CDC25B: variants seen among roughly 807,000 people sequenced by gnomAD.
The protein encoded by CDC25B is cell division cycle 25B.
Under a neutral mutation model 69.8 loss-of-function variants are expected in CDC25B, and 33 were observed. The ratio of observed to expected loss-of-function variants is 0.47; its 90% CI spans 0.36 to 0.63. The LOEUF (loss-of-function observed/expected upper bound fraction) is 0.63. CDC25B is among the 30% of genes least tolerant of loss of function. The pLI is 0.00. For synonymous variants in CDC25B, 341 were observed against 314.6 expected (o/e 1.08, Z -0.89); for missense variants, 727 against 809.1 (o/e 0.90, Z 1.23).
upstream of CDC25B, among the ~76,000 whole-genome samples, chr20:3,794,780 TTC>T (rs1483559962): frequency 6.6e-6 from 1 of 152,092 alleles, no homozygotes; most frequent in Non-Finnish European, 1.5e-5. Context: ...TCCCCTACCC[TTC>T]AGATGCATTG....
At chr20:3,802,866 A>G (rs1478638064) in intron 11 of CDC25B, 44 bp from the exon 12 acceptor site, 4 of 1,505,654 alleles carry the variant, frequency 2.7e-6, no homozygotes, top group Non-Finnish European at 3.7e-6. Flanking sequence ...GGTCTTACCA[A>G]TTTAACTTTC....
intron 14 of CDC25B, among the ~76,000 whole-genome samples, chr20:3,804,295 C>A (rs966832510): frequency 1.3e-5 from 2 of 152,210 alleles, no homozygotes; most frequent in Admixed American, 6.5e-5. Flanking sequence ...CTTCTCCTTT[C>A]CTGGTCCAGG....
chr20:3,797,293 T>C (rs2089091686), intron 1 of CDC25B, among the ~76,000 whole-genome samples: 1 of 152,138 alleles, frequency 6.6e-6, no homozygotes, highest in Non-Finnish European at 1.5e-5. Context: ...GGTCTGACAG[T>C]TTAGGGGAAG....
In CDC25B at chr20:3,800,287, G is replaced by C. The variant is rs1240322200; in HGVS notation, c.381-1G>C. On this transcript the variant is annotated splice_acceptor_variant, in intron 3 of 15. Coordinates refer to ENST00000245960, the MANE Select transcript of CDC25B (RefSeq NM_021873.4). LOFTEE classifies it high-confidence loss of function. ...TTGCATGGGACCCTTCTCTGTCCTA[G>C]GTTTGAACAGGCCATCCAGGCAGCC... 3 of 1,613,928 alleles carry C rather than the reference G, an allele frequency of 1.9e-6. No homozygotes were observed. The highest frequency in any genetic ancestry group is 2.5e-6 in the Non-Finnish European group (3 of 1,179,992).
chr20:3,791,139 A>G (rs1469215038), intron 1 of CDC25B, among the ~76,000 whole-genome samples: 4 of 152,254 alleles, frequency 2.6e-5, no homozygotes, highest in Admixed American at 2.0e-4. Flanking sequence ...TGTATTGCAC[A>G]GTGCAAAGGA....
intron 3 of CDC25B, among the ~76,000 whole-genome samples, chr20:3,799,955 A>T (rs370887169): frequency 2.0e-5 from 3 of 152,116 alleles, no homozygotes; most frequent in South Asian, 4.2e-4. Flanking sequence ...GGTGATTTGC[A>T]TACAGGTGGA....
At position 3,802,113 on chromosome 20, in the gene CDC25B, C is replaced by A; in HGVS notation, c.1098+13C>A. ...GGCTGAGGAACCTGTGAGTGCCTTC[C>A]TCCTGGGGTTCACTTTGGCATGCAC... is the stretch of plus-strand genomic sequence containing the variant. On this transcript the variant is annotated intron_variant, in intron 10 of 15. Transcript: ENST00000245960. 6.5e-7 allele frequency: 1 copy of A among 1,544,954 alleles called. No individual in the cohort carries two copies. The highest frequency in any genetic ancestry group is 2.4e-5 in the East Asian group (1 of 41,198).
upstream of CDC25B, among the ~76,000 whole-genome samples, chr20:3,793,946 G>A (rs1311476928): frequency 6.7e-6 from 1 of 148,894 alleles, no homozygotes; most frequent in Non-Finnish European, 1.5e-5. Flanking sequence ...TTTTATGGCT[G>A]CATAGTATTC....
At chr20:3,800,432 G>C (rs2089235775) in intron 4 of CDC25B, 30 bp from the exon 5 acceptor site, 1 of 1,613,946 alleles carries the variant, frequency 6.2e-7, no homozygotes, top group Non-Finnish European at 8.5e-7. Flanking sequence ...GCCTCTCCCA[G>C]CTCTCACCTG....
At chr20:3,802,213 ACCAG>A in intron 10 of CDC25B, 64 bp from the exon 11 acceptor site, 2 of 1,558,978 alleles carry the variant, frequency 1.3e-6, no homozygotes, top group Non-Finnish European at 1.8e-6. Flanking sequence ...GAAAGGGGGT[ACCAG>A]CCAGCCAGAG....
chr20:3,792,054 C>G (rs1036405734), upstream of CDC25B, among the ~76,000 whole-genome samples: 10 of 152,022 alleles, frequency 6.6e-5, no homozygotes, highest in African/African-American at 2.2e-4. Context: ...GCTGGGATTA[C>G]AGGCACATGC....
chr20:3,805,297 T>G lies in CDC25B; in HGVS notation c.*336T>G. Reference sequence around the variant, plus strand: ...TCTTCCTGTGTCCTGAAACGCTCCTTTGTGTGTGTGTCAGCTGAGGCTGGG... The same window carrying G: ...TCTTCCTGTGTCCTGAAACGCTCCTGTGTGTGTGTGTCAGCTGAGGCTGGG... On this transcript the variant is annotated 3_prime_UTR_variant, in exon 16 of 16. Transcript: ENST00000245960. 1 of 344,458 alleles carries G rather than the reference T, an allele frequency of 2.9e-6. No individual in the cohort carries two copies. The allele number at this position is 344,458 out of a possible 1,614,324, so 21.3% of individuals were successfully genotyped here.
Position 3,802,076 on chromosome 20 carries a change from G to A in CDC25B, c.1074G>A (p.Glu358=). Residue 358 remains glutamate (E), a synonymous_variant, in exon 10 of 16, where the codon GAG becomes GAA. Coordinates refer to ENST00000245960, the MANE Select transcript of CDC25B (RefSeq NM_021873.4). ...GGAGGCGGAGCGTGACCCCTCCTGA[G>A]GAGCAGCAGGAGGCTGAGGAACCTG... ...NKRRRSVTPP[E]EQQEAEEPKA... is the part of the protein sequence containing the mutation. 1.3e-6 allele frequency: 2 copies of A among 1,556,412 alleles called. No individual in the cohort carries two copies. The highest frequency in any genetic ancestry group is 2.4e-5 in the East Asian group (1 of 41,426).
intron 3 of CDC25B, among the ~76,000 whole-genome samples, chr20:3,799,940 G>A (rs562670313): frequency 2.6e-5 from 4 of 152,246 alleles, no homozygotes; most frequent in Admixed American, 2.0e-4. Context: ...ATATGGCCCC[G>A]CTGAGGTGAT....
chr20:3,798,562 A>T (rs1224649151), intron 3 of CDC25B, 99 bp downstream of exon 3: 1 of 958,014 alleles, frequency 1.0e-6, no homozygotes, highest in African/African-American at 1.7e-5. Flanking sequence ...GGGAAAGCAG[A>T]CAGACCATGG....
upstream of CDC25B, chr20:3,795,667 C>T (rs1047217933): frequency 1.2e-5 from 12 of 969,544 alleles, no homozygotes; most frequent in Non-Finnish European, 1.5e-5. Context: ...GCGAAAGAGC[C>T]CATCAGTTCC....
intron 3 of CDC25B, 86 bp downstream of exon 3, chr20:3,798,549 C>G: frequency 1.8e-6 from 2 of 1,119,052 alleles, no homozygotes; most frequent in South Asian, 3.0e-5. Flanking sequence ...ACCCGGGAGG[C>G]CTGGGAAAGC....
Position 3,803,548 on chromosome 20 carries a change from G to T in CDC25B, c.1490+11G>T. ...GCGTGGGCCCCGCATGTGAGTCCCA[G>T]CTCCGCCCAGCCAGCTAGTGTCTGC... On this transcript the variant is annotated intron_variant, in intron 14 of 15. Coordinates refer to ENST00000245960, the MANE Select transcript of CDC25B (RefSeq NM_021873.4). This position sits in a 1 kb window ranked among gnomAD's most constrained non-coding sequence, Gnocchi z 4.9. 2 of 1,613,784 alleles carry T rather than the reference G, an allele frequency of 1.2e-6. No individual in the cohort carries two copies. The highest frequency in any genetic ancestry group is 1.7e-5 in the Admixed American group (1 of 60,012).
chr20:3,799,606 G>T (rs1194293203), intron 3 of CDC25B, among the ~76,000 whole-genome samples: 1 of 152,168 alleles, frequency 6.6e-6, no homozygotes, highest in Non-Finnish European at 1.5e-5. Flanking sequence ...GGGCCTCAGA[G>T]GGAACATGTG....
Sources: allele counts gnomAD v4.1 joint callset (sites outside exome capture counted in the v4.1 genomes callset), GRCh38; gene constraint gnomAD v4.1.1; non-coding constraint Gnocchi (gnomAD v3.1); transcripts MANE v1.5; gene names NCBI Gene and HGNC (gene_info 2026-07-23, HGNC 2026-07-21).